Variants in GPHB5 observed in about 807,000 individuals in gnomAD.
GPHB5 encodes the protein glycoprotein hormone subunit beta 5.
A neutral mutation model predicts 10.1 loss-of-function variants in GPHB5; 7 were observed. The ratio of observed to expected loss-of-function variants is 0.69; its 90% CI spans 0.39 to 1.30. The LOEUF (loss-of-function observed/expected upper bound fraction) is 1.30, where lower values mean the gene tolerates loss of function less well. GPHB5 is among the 50% of genes most tolerant of loss of function. The pLI is 0.01. For missense variants in GPHB5, 161 were observed against 169.8 expected (o/e 0.95, Z 0.29); for synonymous variants, 68 against 70.1 (o/e 0.97, Z 0.15).
chr14:63,315,056 C>T (rs1881922873), intron 2 of GPHB5, among the ~76,000 whole-genome samples: 1 of 151,986 alleles, frequency 6.6e-6, no homozygotes, highest in African/African-American at 2.4e-5. Flanking sequence ...GTGCATACCA[C>T]CATGCCCGGC....
intron 2 of GPHB5, among the ~76,000 whole-genome samples, chr14:63,317,298 A>G (rs1348561301): frequency 1.3e-5 from 2 of 152,222 alleles, no homozygotes; most frequent in South Asian, 2.1e-4. Flanking sequence ...CCAGCTTTAC[A>G]CTGACGCTCT....
intron 2 of GPHB5, among the ~76,000 whole-genome samples, chr14:63,316,679 A>G (rs1164350929): frequency 1.3e-5 from 2 of 152,264 alleles, no homozygotes; most frequent in Non-Finnish European, 2.9e-5. Context: ...AATGAGATCC[A>G]TAAGGGCTAT....
At chr14:63,318,299 G>C (rs2139685197) in intron 1 of GPHB5, among the ~76,000 whole-genome samples, 1 of 152,272 alleles carries the variant, frequency 6.6e-6, no homozygotes, top group Admixed American at 6.5e-5. Flanking sequence ...TATATTTTCA[G>C]TGTCATGATG....
intron 1 of GPHB5, among the ~76,000 whole-genome samples, chr14:63,318,579 G>T (rs1409531565): frequency 1.3e-5 from 2 of 152,196 alleles, no homozygotes; most frequent in African/African-American, 4.8e-5. Context: ...CCACCGTCAA[G>T]TCCACCCTCT....
At chr14:63,318,335 A>T (rs1882809556) in intron 1 of GPHB5, among the ~76,000 whole-genome samples, 1 of 152,196 alleles carries the variant, frequency 6.6e-6, no homozygotes, top group Non-Finnish European at 1.5e-5. Flanking sequence ...GGGTTGATAA[A>T]TATTAATAAT....
chr14:63,315,066 C>A (rs542363494), intron 2 of GPHB5, among the ~76,000 whole-genome samples: 76 of 152,096 alleles, frequency 5.0e-4, no homozygotes, highest in African/African-American at 1.7e-3. Context: ...CCATGCCCGG[C>A]TAATTTTTGT....
At chr14:63,316,230 A>C (rs992735695) in intron 2 of GPHB5, among the ~76,000 whole-genome samples, 2 of 152,250 alleles carry the variant, frequency 1.3e-5, no homozygotes, top group African/African-American at 4.8e-5. Context: ...ACTATGACCC[A>C]ATTCCATTCA....
chr14:63,313,361 C>T (rs1882706946), intron 2 of GPHB5, among the ~76,000 whole-genome samples: 2 of 152,148 alleles, frequency 1.3e-5, no homozygotes, highest in Admixed American at 1.3e-4. Context: ...GCAAATGAAT[C>T]ATCTTAGTCA....
chr14:63,317,360 C>T (rs1429950743), intron 2 of GPHB5, among the ~76,000 whole-genome samples: 1 of 152,176 alleles, frequency 6.6e-6, no homozygotes, highest in Non-Finnish European at 1.5e-5. Context: ...ATCTGTAAAA[C>T]GGGTAGAACA....
intron 1 of GPHB5, among the ~76,000 whole-genome samples, 180 bp from the exon 2 acceptor site, chr14:63,318,030 G>A (rs1882804340): frequency 6.6e-6 from 1 of 152,216 alleles, no homozygotes; most frequent in Non-Finnish European, 1.5e-5. Flanking sequence ...TCCTGTAACT[G>A]GTGCCAGTGT....
At chr14:63,314,204 G>A (rs1308770961) in intron 2 of GPHB5, among the ~76,000 whole-genome samples, 7 of 152,076 alleles carry the variant, frequency 4.6e-5, no homozygotes, top group African/African-American at 1.7e-4. Flanking sequence ...GCACCTAGCT[G>A]GAGTTAAAAT....
rs1305391772 is a variant in GPHB5, at chr14:63,317,734, CT to C, written c.115del (p.Arg39GlyfsTer54). On this transcript the variant is annotated frameshift_variant, in exon 2 of 3. Transcript: ENST00000621500. LOFTEE classifies it high-confidence loss of function. The stretch of plus-strand genomic sequence containing the variant: ...CTTCTTGGCCAGGAAAGTAAACTCC[CT>C]CACGGCACAGCCCACAAAGGTGCGC... Reference protein sequence around the residue: ...NLRTFVGCAVREFTFLAKKPG... With the variant: ...NLRTFVGCAVXEFTFLAKKPG... The C allele has an allele frequency of 6.2e-7, 1 of 1,614,038 alleles. No individual in the cohort carries two copies. The highest frequency in any genetic ancestry group is 1.7e-5 in the Admixed American group (1 of 60,036).
At position 63,312,882 on chromosome 14, in the gene GPHB5, C is replaced by T; in HGVS notation, c.*46G>A. On this transcript the variant is annotated 3_prime_UTR_variant, in exon 3 of 3. Transcript: ENST00000621500. Reference sequence around the variant, plus strand: ...GTCTTGCATCCAGGAAGTATAACTGCATGTGCTGCTCACACAGGTGGGTCT... The same window carrying T: ...GTCTTGCATCCAGGAAGTATAACTGTATGTGCTGCTCACACAGGTGGGTCT... 6.6e-7 allele frequency: 1 copy of T among 1,508,376 alleles called. No homozygotes were observed. Among genetic ancestry groups the T allele is most frequent in the South Asian group, 1.2e-5 (1 of 80,140 alleles). The allele number at this position is 1,508,376 out of a possible 1,614,324, so 93.4% of individuals were successfully genotyped here.
intron 2 of GPHB5, 87 bp from the exon 3 acceptor site, chr14:63,313,203 T>G: frequency 8.6e-7 from 1 of 1,159,838 alleles, no homozygotes; most frequent in Non-Finnish European, 1.2e-6. Context: ...TATCAGAAAT[T>G]AACTTGTTAT....
chr14:63,318,385 C>G (rs571411697), intron 1 of GPHB5, among the ~76,000 whole-genome samples: 2 of 152,280 alleles, frequency 1.3e-5, no homozygotes, highest in Admixed American at 1.3e-4. Context: ...CAACTCACCA[C>G]TAAACATGGA....
In GPHB5 at chr14:63,317,560, A is replaced by G. The variant is rs534917954; in HGVS notation, c.204+86T>C. ...AGGGCAGATGTCCCAGCTCTACCTCATATCATTTAAAAAGTGAACTCTTAA... is the reference window on the plus strand; with the variant it reads ...AGGGCAGATGTCCCAGCTCTACCTCGTATCATTTAAAAAGTGAACTCTTAA... On this transcript the variant is annotated intron_variant, in intron 2 of 2. Coordinates refer to ENST00000621500, the MANE Select transcript of GPHB5 (RefSeq NM_145171.4). 1.5e-3 allele frequency: 1,902 copies of G among 1,286,202 alleles called. 2 individuals are homozygous for G. The highest frequency in any genetic ancestry group is 1.9e-3 in the Non-Finnish European group (1,734 of 918,658). The allele number at this position is 1,286,202 out of a possible 1,614,324, so 79.7% of individuals were successfully genotyped here.
intron 2 of GPHB5, among the ~76,000 whole-genome samples, chr14:63,315,335 C>T (rs755936908): frequency 4.6e-5 from 7 of 152,186 alleles, no homozygotes; most frequent in East Asian, 1.9e-4. Flanking sequence ...GCAGACCAAA[C>T]GCCCCGTAAA....
chr14:63,312,947 G>A lies in GPHB5; in HGVS notation c.374C>T (p.Thr125Met), dbSNP rs577992104. 1.1e-4 allele frequency: 176 copies of A among 1,553,072 alleles called. No individual in the cohort carries two copies. The highest frequency in any genetic ancestry group is 1.5e-4 in the Non-Finnish European group (171 of 1,147,862). The change falls in exon 3 of 3, where the codon ACG (threonine) becomes ATG (methionine). Residue 125 changes from threonine (T) to methionine (M), a missense_variant. Thr to Met is a moderately conservative substitution (Grantham distance 81). Coordinates refer to ENST00000621500, the MANE Select transcript of GPHB5 (RefSeq NM_145171.4). ...GCGGCCTCAGATGGTCTCACACTCC[G>A]TGGTGGCAGTGGAGCAGGCTCCGCA... ...CDCGACSTAT[T>M]ECETI
Position 63,316,287 on chromosome 14 carries a change from C to T in GPHB5, c.204+1359G>A, listed in dbSNP as rs140283834. On this transcript the variant is annotated intron_variant, in intron 2 of 2. Transcript: ENST00000621500. Reference sequence around the variant, plus strand: ...GCAAGAGCAGGTTACCCTCTGGGTCCCCAAAGAGAAGGCTATTTTTCCCAA... The same window carrying T: ...GCAAGAGCAGGTTACCCTCTGGGTCTCCAAAGAGAAGGCTATTTTTCCCAA... 8.6e-3 allele frequency among the ~76,000 whole-genome samples: 1,315 copies of T among 152,282 alleles called. 23 individuals carry two copies. Among genetic ancestry groups the T allele is most frequent in the African/African-American group, 0.029 (1,220 of 41,552 alleles).
Sources: gnomAD v4.1 joint callset for allele counts (sites outside exome capture counted in the v4.1 genomes callset) on GRCh38, gnomAD v4.1.1 for gene constraint, MANE v1.5 for transcripts, NCBI Gene and HGNC (gene_info 2026-07-23, HGNC 2026-07-21) for gene names.